The following JAK2 variants were observed in gnomAD, a reference collection of about 807,000 sequenced individuals.
JAK2 encodes tyrosine-protein kinase JAK2.
JAK2 carries 86 observed loss-of-function variants against 139.3 expected under a neutral mutation model. The observed-to-expected ratio is 0.62, with a 90% CI of 0.52 to 0.74. The LOEUF is 0.74. Ranked by LOEUF, JAK2 falls within the 30% of genes least tolerant of loss-of-function variation. The pLI is 0.00. For missense variants in JAK2, 1,421 were observed against 1,360.3 expected, an observed-to-expected ratio of 1.04 and a Z score of -0.70; for synonymous variants, 490 against 437.7, an observed-to-expected ratio of 1.12 and a Z score of -1.49.
chr9:5,032,322 G>A (rs1022303171), intron 4 of JAK2, among the ~76,000 whole-genome samples: 2 of 152,236 alleles, frequency 1.3e-5, no homozygotes, highest in African/African-American at 2.4e-5. Flanking sequence ...ACCTCTGGGG[G>A]CAGGGCATAG....
chr9:5,106,542 A>AT lies in JAK2; in HGVS notation c.3059+15633dup, dbSNP rs373790326. On this transcript the variant is annotated intron_variant, in intron 22 of 24. Transcript: ENST00000381652. ...AAATACCATTTGACCCAGCCATCCC[A>AT]TTACTGGGTATACACCCAAAGGATT... Among the ~76,000 whole-genome samples, 1,100 of 152,306 alleles carry AT rather than the reference A, an allele frequency of 7.2e-3. 16 individuals are homozygous for AT. The highest frequency in any genetic ancestry group is 0.025 in the African/African-American group (1,039 of 41,558).
chr9:5,066,550 T>C, intron 9 of JAK2, 128 bp from the exon 10 acceptor site: 1 of 599,346 alleles, frequency 1.7e-6, no homozygotes. Flanking sequence ...AGATTATTGC[T>C]AAACATATAA....
chr9:4,987,310 G>A (rs1820002541), intron 2 of JAK2, among the ~76,000 whole-genome samples: 1 of 152,116 alleles, frequency 6.6e-6, no homozygotes, highest in Non-Finnish European at 1.5e-5. Context: ...ATATGGGAAG[G>A]GAATATGACA....
intron 22 of JAK2, among the ~76,000 whole-genome samples, chr9:5,103,221 CAAAAAAAAAAAAAA>C (rs56691830): frequency 0.02 from 140 of 6,858 alleles, no homozygotes; most frequent in African/African-American, 0.076. Flanking sequence ...AAAGGGAAAG[CAAAAAAAAAAAAAA>C]AAAAAAAAAA....
rs1205013919 is a variant in JAK2, at chr9:5,041,011, C to T, written c.351-3392C>T. 21 of 660,188 alleles carry T rather than the reference C, an allele frequency of 3.2e-5. 1 individual carries two copies. In the East Asian group the frequency reaches 6.4e-4, roughly 20 times the overall value. 40.9% of individuals were successfully genotyped at this position (660,188 alleles called of 1,614,324 possible). On this transcript the variant is annotated intron_variant, in intron 4 of 24. Transcript: ENST00000381652. ...GGAGCTGATCAAGTTCCGGACCCCG[C>T]AGCTGCACCTGGGTACCGGTTCTAC...
At chr9:5,084,581 G>GC (rs1389405252) in intron 19 of JAK2, among the ~76,000 whole-genome samples, 1 of 152,020 alleles carries the variant, frequency 6.6e-6, no homozygotes, top group Non-Finnish European at 1.5e-5. Flanking sequence ...TGTAAAAGGA[G>GC]CCAAGAAACT....
intron 22 of JAK2, among the ~76,000 whole-genome samples, chr9:5,120,737 A>T (rs1823551133): frequency 6.6e-6 from 1 of 152,178 alleles, no homozygotes; most frequent in Non-Finnish European, 1.5e-5. Context: ...TAGGAGACTG[A>T]TTGGAGATAT....
rs1004601392 is a variant in JAK2 at position 5,015,777 on chromosome 9, G to A, written c.-25-6186G>A. 7.9e-5 allele frequency among the ~76,000 whole-genome samples: 12 copies of A among 152,090 alleles called. No individual in the cohort carries two copies. The East Asian group carries it at 9.6e-4, about 12-fold the overall frequency. On this transcript the variant is annotated intron_variant, in intron 2 of 24. Coordinates refer to ENST00000381652, the MANE Select transcript of JAK2 (RefSeq NM_004972.4). ...TAAATGATTGAATTCATTTAAATTCGGGAAACATTTACTGAGTGCCTATGG... is the reference window on the plus strand; with the variant it reads ...TAAATGATTGAATTCATTTAAATTCAGGAAACATTTACTGAGTGCCTATGG...
At chr9:5,024,219 G>A (rs1005081659) in intron 3 of JAK2, among the ~76,000 whole-genome samples, 4 of 152,160 alleles carry the variant, frequency 2.6e-5, no homozygotes, top group Non-Finnish European at 4.4e-5. Context: ...TTGCGCCACT[G>A]CACTCCAGCC....
In JAK2 at chr9:5,078,396, A is replaced by C; in HGVS notation, c.2083A>C (p.Ile695Leu). Residue 695 changes from isoleucine to leucine, a missense_variant, in exon 16 of 25, where the codon ATC becomes CTC. Physicochemically the swap from Ile to Leu is conservative, Grantham distance 5. Coordinates refer to ENST00000381652, the MANE Select transcript of JAK2 (RefSeq NM_004972.4). ...CAGGAAGACAGGAAATCCTCCTTTCATCAAACTTAGTGATCCTGGCATTAG... is the reference window on the plus strand; with the variant it reads ...CAGGAAGACAGGAAATCCTCCTTTCCTCAAACTTAGTGATCCTGGCATTAG... ...EDRKTGNPPFIKLSDPGISIT... is the reference protein window; with the variant it reads ...EDRKTGNPPFLKLSDPGISIT... 1 of 1,613,330 alleles carries C rather than the reference A, an allele frequency of 6.2e-7. No individual in the cohort carries two copies. Among genetic ancestry groups the C allele is most frequent in the African/African-American group, 1.3e-5 (1 of 75,034 alleles).
In JAK2 at chr9:5,053,786, T is replaced by C. The variant is rs542228892; in HGVS notation, c.615-777T>C. Among the ~76,000 whole-genome samples the C allele has an allele frequency of 1.1e-3, 162 of 152,072 alleles. 1 individual carries two copies. The highest frequency in any genetic ancestry group is 3.8e-3 in the African/African-American group (159 of 41,524). ...GTCCTTTGTGCCTGTGGATTCTACA[T>C]CTAATATGCCACAGAATGAGGTCCA... On this transcript the variant is annotated intron_variant, in intron 6 of 24. Transcript: ENST00000381652.
intron 22 of JAK2, among the ~76,000 whole-genome samples, chr9:5,115,485 T>C (rs746790000): frequency 2.0e-5 from 3 of 152,294 alleles, no homozygotes; most frequent in Middle Eastern, 6.8e-3. Flanking sequence ...AGTTCAACCA[T>C]TGTGGAAGAC....
At chr9:5,108,699 C>A (rs1269174530) in intron 22 of JAK2, 2 of 151,898 alleles carry the variant, frequency 1.3e-5, no homozygotes, top group African/African-American at 4.8e-5. Flanking sequence ...TATAGCCTAC[C>A]CCTTCCTCAC....
rs557152216 is a variant in JAK2 at position 5,020,528 on chromosome 9, C to T, written c.-25-1435C>T. Among the ~76,000 whole-genome samples, 707 of 152,054 alleles carry T rather than the reference C, an allele frequency of 4.6e-3. 6 individuals are homozygous for T. Among genetic ancestry groups the T allele is most frequent in the African/African-American group, 0.016 (668 of 41,466 alleles). ...CTGTGCCCTGATGCTGGGGAGGGTG[C>T]AGTTGCTGTCAGTGGGAGCAGTTGT... On this transcript the variant is annotated intron_variant, in intron 2 of 24. Coordinates refer to ENST00000381652, the MANE Select transcript of JAK2 (RefSeq NM_004972.4).
chr9:5,120,534 T>G (rs983555707), intron 22 of JAK2, among the ~76,000 whole-genome samples: 1 of 152,194 alleles, frequency 6.6e-6, no homozygotes, highest in East Asian at 1.9e-4. Context: ...CGGTAATAAC[T>G]GGGGGAAAAA....
At position 5,079,773 on chromosome 9, in the gene JAK2, C is replaced by T. The variant is rs529286374; in HGVS notation, c.2132-456C>T. On this transcript the variant is annotated intron_variant, in intron 16 of 24. Coordinates refer to ENST00000381652, the MANE Select transcript of JAK2 (RefSeq NM_004972.4). ...AGGTCAAAGCATAGTGAGCTGCAAT[C>T]GTGCCATTGCACTCTAGCCTGAGTG... 1.6e-4 allele frequency among the ~76,000 whole-genome samples: 24 copies of T among 151,932 alleles called. No homozygotes were observed. In the East Asian group the frequency reaches 2.3e-3, roughly 15 times the overall value.
intron 2 of JAK2, among the ~76,000 whole-genome samples, chr9:5,002,800 A>G (rs1399918845): frequency 6.6e-6 from 1 of 151,888 alleles, no homozygotes; most frequent in East Asian, 1.9e-4. Context: ...TATTGTGTGC[A>G]TATATATTTA....
At chr9:5,064,494 C>T (rs995422813) in intron 8 of JAK2, among the ~76,000 whole-genome samples, 4 of 148,506 alleles carry the variant, frequency 2.7e-5, no homozygotes, top group African/African-American at 1.0e-4. Context: ...TGTGCCAGTG[C>T]ACTTCAGCCT....
chr9:5,098,033 T>C (rs1821154709), intron 22 of JAK2: 1 of 152,168 alleles, frequency 6.6e-6, no homozygotes, highest in Non-Finnish European at 1.5e-5. Flanking sequence ...CTTAGGCTCA[T>C]TTATCTCATT....
Sources: gnomAD v4.1 joint callset for allele counts (sites outside exome capture counted in the v4.1 genomes callset) on GRCh38, gnomAD v4.1.1 for gene constraint, MANE v1.5 for transcripts, NCBI Gene and HGNC (gene_info 2026-07-23, HGNC 2026-07-21) for gene names.